Variants in PRKD1 observed in about 807,000 individuals in gnomAD.
The protein encoded by PRKD1 is serine/threonine-protein kinase D1.
In PRKD1, 63 loss-of-function variants were observed where a neutral mutation model predicts 95.9. The ratio of observed to expected loss-of-function variants is 0.66; its 90% confidence interval spans 0.54 to 0.81. PRKD1 has a LOEUF of 0.81. Ranked by LOEUF, PRKD1 falls within the 30% of genes least tolerant of loss-of-function variation. The pLI is 0.00. For missense variants in PRKD1, 1,048 were observed against 1,165.3 expected (o/e 0.90, Z 1.47); for synonymous variants, 425 against 423.1 (o/e 1.00, Z -0.05).
intron 4 of PRKD1, among the ~76,000 whole-genome samples, chr14:29,660,126 A>G (rs561693969): frequency 4.8e-4 from 73 of 152,310 alleles, no homozygotes; most frequent in African/African-American, 1.7e-3. Flanking sequence ...TCTTTGCCAT[A>G]TAGATATCCA....
chr14:29,826,477 T>C (rs1218211405), intron 1 of PRKD1, among the ~76,000 whole-genome samples: 2 of 123,642 alleles, frequency 1.6e-5, no homozygotes, highest in East Asian at 4.5e-4. Flanking sequence ...TATACATATA[T>C]ATGATGGAAT....
At chr14:29,896,247 T>C (rs1363378807) in intron 1 of PRKD1, among the ~76,000 whole-genome samples, 1 of 152,176 alleles carries the variant, frequency 6.6e-6, no homozygotes, top group East Asian at 1.9e-4. Flanking sequence ...TCCTATGTAA[T>C]TAATATATGA....
intron 11 of PRKD1, among the ~76,000 whole-genome samples, chr14:29,627,952 C>T (rs1879734538): frequency 6.6e-6 from 1 of 152,110 alleles, no homozygotes; most frequent in South Asian, 2.1e-4. Context: ...ACTCAATGGC[C>T]GATCCAAAAT....
chr14:29,634,177 G>A (rs1164665365), intron 8 of PRKD1, among the ~76,000 whole-genome samples: 1 of 152,198 alleles, frequency 6.6e-6, no homozygotes, highest in Non-Finnish European at 1.5e-5. Flanking sequence ...GACATCTCAG[G>A]TAATCAAGGT....
rs754899175 is a variant in PRKD1 at position 29,864,123 on chromosome 14, ACTT to A, written c.264+63123_264+63125del. Among the ~76,000 whole-genome samples, 37 of 152,242 alleles carry A rather than the reference ACTT, an allele frequency of 2.4e-4. 1 individual carries two copies. The highest frequency in any genetic ancestry group is 6.8e-3 in the Middle Eastern group (2 of 294). ...TTTATTTTATAAATTAAATAAGAGA[ACTT>A]AGCCACATTAATTAAAACATTTTGT... On this transcript the variant is annotated intron_variant, in intron 1 of 17. Transcript: ENST00000331968.
intron 3 of PRKD1, among the ~76,000 whole-genome samples, chr14:29,664,879 A>G (rs1882396139): frequency 6.6e-6 from 1 of 152,232 alleles, no homozygotes; most frequent in Admixed American, 6.5e-5. Context: ...AGCTGAGTGA[A>G]CTTAGACGGT....
At chr14:29,765,667 T>C (rs887187463) in intron 1 of PRKD1, among the ~76,000 whole-genome samples, 8 of 152,170 alleles carry the variant, frequency 5.3e-5, no homozygotes, top group African/African-American at 1.9e-4. Context: ...TAGATTTTGG[T>C]ATAGGCACAT....
chr14:29,882,894 T>G (rs543466013), intron 1 of PRKD1, among the ~76,000 whole-genome samples: 1 of 152,374 alleles, frequency 6.6e-6, no homozygotes, highest in South Asian at 2.1e-4. Flanking sequence ...TACCACGTTT[T>G]GTTTAGCCAT....
intron 2 of PRKD1, among the ~76,000 whole-genome samples, chr14:29,702,202 A>G (rs532601657): frequency 1.4e-4 from 22 of 152,246 alleles, no homozygotes; most frequent in African/African-American, 5.3e-4. Context: ...CTGATGATTT[A>G]TGGTTTATTA....
At chr14:29,727,775 G>T (rs544442875) in intron 1 of PRKD1, among the ~76,000 whole-genome samples, 5 of 152,106 alleles carry the variant, frequency 3.3e-5, no homozygotes, top group African/African-American at 9.6e-5. Context: ...GTCCAACAAT[G>T]ATAGACTGGA....
At chr14:29,731,080 G>A (rs1020077442) in intron 1 of PRKD1, among the ~76,000 whole-genome samples, 13 of 152,082 alleles carry the variant, frequency 8.5e-5, no homozygotes, top group Non-Finnish European at 2.9e-5. Flanking sequence ...ATTCCACAAT[G>A]TATACATAGT....
At chr14:29,906,987 G>T (rs945055515) in intron 1 of PRKD1, among the ~76,000 whole-genome samples, 2 of 152,132 alleles carry the variant, frequency 1.3e-5, no homozygotes, top group Non-Finnish European at 2.9e-5. Context: ...GGTAAATTAG[G>T]CTGAGATTTG....
At chr14:29,911,124 C>T (rs775616404) in intron 1 of PRKD1, among the ~76,000 whole-genome samples, 3 of 151,646 alleles carry the variant, frequency 2.0e-5, no homozygotes, top group Non-Finnish European at 2.9e-5. Context: ...AAAACTTAAA[C>T]TTTGCAATAC....
chr14:29,683,623 G>T (rs1483576771), intron 2 of PRKD1, among the ~76,000 whole-genome samples: 1 of 152,174 alleles, frequency 6.6e-6, no homozygotes, highest in Non-Finnish European at 1.5e-5. Context: ...GATGATAAAA[G>T]AGAAGCAATA....
At chr14:29,579,649 A>C (rs951197317) in intron 16 of PRKD1, among the ~76,000 whole-genome samples, 1 of 152,186 alleles carries the variant, frequency 6.6e-6, no homozygotes, top group Non-Finnish European at 1.5e-5. Flanking sequence ...TCAGGCAAAG[A>C]AAAGTGACTT....
intron 4 of PRKD1, chr14:29,657,411 GTGT>G (rs1881929544): frequency 6.6e-6 from 1 of 152,142 alleles, no homozygotes; most frequent in African/African-American, 2.4e-5. Flanking sequence ...TTTTTTTGCA[GTGT>G]TGAATAAAAG....
chr14:29,731,520 GAGAA>G (rs1312243375), intron 1 of PRKD1, among the ~76,000 whole-genome samples: 16 of 152,106 alleles, frequency 1.1e-4, no homozygotes, highest in African/African-American at 3.9e-4. Flanking sequence ...ATAAATTAAT[GAGAA>G]AGAAATATTG....
intron 4 of PRKD1, among the ~76,000 whole-genome samples, chr14:29,661,908 T>C (rs117048916): frequency 1.0e-3 from 159 of 152,342 alleles, no homozygotes; most frequent in Non-Finnish European, 1.6e-3. Flanking sequence ...TGTGTACTTA[T>C]AAAATAGATT....
chr14:29,824,454 G>A (rs1316082882), intron 1 of PRKD1, among the ~76,000 whole-genome samples: 1 of 152,126 alleles, frequency 6.6e-6, no homozygotes. Flanking sequence ...AGTCACAGGA[G>A]CGGGAGCAGC....
Sources: allele counts gnomAD v4.1 joint callset (sites outside exome capture counted in the v4.1 genomes callset), GRCh38; gene constraint gnomAD v4.1.1; transcripts MANE v1.5; gene names NCBI Gene and HGNC (gene_info 2026-07-23, HGNC 2026-07-21).